The following RAD54B variants were observed in gnomAD, a reference collection of about 807,000 sequenced individuals.
RAD54B encodes DNA repair and recombination protein RAD54B.
In RAD54B, 78 loss-of-function variants were observed where a neutral mutation model predicts 95.8. The observed-to-expected ratio is 0.81, with a 90% CI of 0.68 to 0.98. The LOEUF (loss-of-function observed/expected upper bound fraction) is 0.98, where lower values mean the gene tolerates loss of function less well. Ranked by LOEUF, RAD54B falls within the 50% of genes least tolerant of loss-of-function variation. The pLI is 0.00. For missense variants in RAD54B, 957 were observed against 1,056.6 expected (o/e 0.91, Z 1.31); for synonymous variants, 328 against 354.9 (o/e 0.92, Z 0.85).
At chr8:94,465,458 C>G (rs1160508408) in intron 2 of RAD54B, among the ~76,000 whole-genome samples, 3 of 152,144 alleles carry the variant, frequency 2.0e-5, no homozygotes, top group Admixed American at 2.0e-4. Flanking sequence ...CAGTGAAATA[C>G]CACTTCACAA....
At chr8:94,450,359 G>T (rs528923308) in intron 3 of RAD54B, among the ~76,000 whole-genome samples, 56 of 152,226 alleles carry the variant, frequency 3.7e-4, no homozygotes, top group African/African-American at 1.2e-3. Flanking sequence ...ACTACAAAAT[G>T]AAACAGCAAA....
Position 94,393,840 on chromosome 8 carries a change from A to G in RAD54B, c.1421T>C (p.Ile474Thr), listed in dbSNP as rs756504297. The change falls in exon 9 of 15, where the codon ATT becomes ACT. Residue 474 changes from isoleucine (I) to threonine (T), a missense_variant. Coordinates refer to ENST00000336148, the MANE Select transcript of RAD54B (RefSeq NM_012415.3). ...TAATATTCCTGGATTTACAAAATCA[A>G]TTAATGCAAAAAATTCTTGCAGATC... ...QNDLQEFFAL[I>T]DFVNPGILGS... is the part of the protein sequence containing the mutation. 2.5e-6 allele frequency: 4 copies of G among 1,602,588 alleles called. No individual in the cohort carries two copies. The highest frequency in any genetic ancestry group is 3.4e-5 in the Admixed American group (2 of 59,106).
chr8:94,418,091 T>G (rs576338509), intron 3 of RAD54B, among the ~76,000 whole-genome samples: 1 of 152,336 alleles, frequency 6.6e-6, no homozygotes, highest in East Asian at 1.9e-4. Context: ...TTTCAGATAC[T>G]TTTTTGGGGG....
At chr8:94,454,018 T>C (rs531251770) in intron 3 of RAD54B, among the ~76,000 whole-genome samples, 58 of 152,202 alleles carry the variant, frequency 3.8e-4, no homozygotes, top group African/African-American at 1.4e-3. Flanking sequence ...CTTGAACTCC[T>C]GACCTCAGGT....
intron 5 of RAD54B, among the ~76,000 whole-genome samples, chr8:94,404,799 A>G (rs865980734): frequency 6.6e-6 from 1 of 152,110 alleles, no homozygotes; most frequent in Middle Eastern, 3.2e-3. Flanking sequence ...TACTACATTC[A>G]TGAATGTCAA....
chr8:94,444,850 A>G (rs1234833523), intron 3 of RAD54B, among the ~76,000 whole-genome samples: 1 of 152,216 alleles, frequency 6.6e-6, no homozygotes, highest in Admixed American at 6.5e-5. Flanking sequence ...ACAACTCAGC[A>G]GTGTCTTTCT....
chr8:94,474,943 G>GTCCC (rs1813265962), intron 1 of RAD54B, 58 bp downstream of exon 1: 2 of 152,504 alleles, frequency 1.3e-5, no homozygotes, highest in Non-Finnish European at 2.9e-5. Flanking sequence ...TCCCTGCTTT[G>GTCCC]TCCCGCACGA....
intron 3 of RAD54B, chr8:94,436,532 T>G: frequency 6.5e-7 from 1 of 1,550,086 alleles, no homozygotes; most frequent in Non-Finnish European, 8.7e-7. Context: ...AGGCAAAAAC[T>G]GGAAATCTGG....
intron 4 of RAD54B, 22 bp from the exon 5 acceptor site, chr8:94,407,742 A>G: frequency 6.3e-7 from 1 of 1,593,638 alleles, no homozygotes; most frequent in Non-Finnish European, 8.6e-7. Context: ...GAAAGAAAAA[A>G]ATTAATTGAC....
chr8:94,448,214 T>G (rs931767764), intron 3 of RAD54B, among the ~76,000 whole-genome samples: 15 of 151,692 alleles, frequency 9.9e-5, no homozygotes, highest in Non-Finnish European at 1.8e-4. Context: ...TAGTTTTGGG[T>G]TTTTTTTGTC....
At chr8:94,396,995 T>A (rs1811164114) in intron 8 of RAD54B, among the ~76,000 whole-genome samples, 1 of 152,140 alleles carries the variant, frequency 6.6e-6, no homozygotes, top group Non-Finnish European at 1.5e-5. Context: ...GACATCTTGA[T>A]CTTGGACTTC....
chr8:94,433,869 C>A (rs917783051), intron 3 of RAD54B, among the ~76,000 whole-genome samples: 16 of 151,490 alleles, frequency 1.1e-4, no homozygotes, highest in African/African-American at 3.6e-4. Context: ...GATTAAAATG[C>A]TGGAACAAGT....
intron 3 of RAD54B, among the ~76,000 whole-genome samples, chr8:94,425,061 C>CAAAA (rs71273335): frequency 0.015 from 1,198 of 82,340 alleles, 50 homozygotes; most frequent in African/African-American, 0.047. Flanking sequence ...GACCCCATCT[C>CAAAA]AAAAAAAAAA....
At chr8:94,442,445 G>T (rs952358113) in intron 3 of RAD54B, among the ~76,000 whole-genome samples, 1 of 151,950 alleles carries the variant, frequency 6.6e-6, no homozygotes, top group Non-Finnish European at 1.5e-5. Flanking sequence ...CGTGGTGGCA[G>T]GCGCCTGTAG....
At chr8:94,399,004 A>T (rs1172495661) in intron 8 of RAD54B, among the ~76,000 whole-genome samples, 6 of 152,136 alleles carry the variant, frequency 3.9e-5, no homozygotes, top group Non-Finnish European at 5.9e-5. Flanking sequence ...CAAGAACTTT[A>T]CATTGATTAA....
chr8:94,470,257 T>C (rs1043575784), intron 1 of RAD54B, among the ~76,000 whole-genome samples: 3 of 151,308 alleles, frequency 2.0e-5, no homozygotes, highest in Non-Finnish European at 2.9e-5. Flanking sequence ...GGTCGGGAGT[T>C]TGAGACCAGC....
intron 3 of RAD54B, among the ~76,000 whole-genome samples, chr8:94,443,455 C>G (rs1210354939): frequency 1.3e-5 from 2 of 151,732 alleles, no homozygotes; most frequent in African/African-American, 2.4e-5. Flanking sequence ...GCATATGTAC[C>G]CCTGAACTTG....
Position 94,445,028 on chromosome 8 carries a change from T to C in RAD54B, c.304+13240A>G, listed in dbSNP as rs766842013. 8.7e-4 allele frequency among the ~76,000 whole-genome samples: 132 copies of C among 152,346 alleles called. 1 individual carries two copies. Among genetic ancestry groups the C allele is most frequent in the East Asian group, 5.8e-4 (3 of 5,184 alleles). On this transcript the variant is annotated intron_variant, in intron 3 of 14. Transcript: ENST00000336148. ...ACCAACTATCTTAGCCTGGAGCTGC[T>C]ATAACAAAGTATCATAAACTGGGTG...
chr8:94,430,516 A>G, intron 3 of RAD54B: 1 of 899,204 alleles, frequency 1.1e-6, no homozygotes. Flanking sequence ...GGGTTTATTA[A>G]AAGAGATTGC....
Sources: allele counts gnomAD v4.1 joint callset (sites outside exome capture counted in the v4.1 genomes callset), GRCh38; gene constraint gnomAD v4.1.1; transcripts MANE v1.5; gene names NCBI Gene and HGNC (gene_info 2026-07-23, HGNC 2026-07-21).